NAXD: variants seen among roughly 807,000 people sequenced by gnomAD.
NAXD encodes ATP-dependent (S)-NAD(P)H-hydrate dehydratase.
Under a neutral mutation model 35.8 loss-of-function variants are expected in NAXD, and 22 were observed. The observed-to-expected ratio is 0.62, with a 90% CI of 0.44 to 0.88. NAXD has a LOEUF of 0.88. Among genes scored for constraint, NAXD ranks in the 40% least tolerant of loss-of-function variants. The probability of loss-of-function intolerance (pLI) is 0.00; values close to 1 mark genes in which losing one functional copy is unlikely to be tolerated. For synonymous variants in NAXD, 189 were observed against 177.6 expected (o/e 1.06, Z -0.51); for missense variants, 428 against 437.7 (o/e 0.98, Z 0.20).
chr13:110,617,130 G>T (rs1042738226), intron 1 of NAXD, among the ~76,000 whole-genome samples: 1 of 152,194 alleles, frequency 6.6e-6, no homozygotes, highest in African/African-American at 2.4e-5. Flanking sequence ...AGGTAGAGTT[G>T]TATATTACTG....
chr13:110,617,700 C>T (rs1399173104), intron 1 of NAXD, among the ~76,000 whole-genome samples: 2 of 152,138 alleles, frequency 1.3e-5, no homozygotes, highest in Non-Finnish European at 2.9e-5. Flanking sequence ...CTACTGTGTG[C>T]CCACAAAAAT....
intron 4 of NAXD, 82 bp from the exon 5 acceptor site, chr13:110,627,357 A>G: frequency 1.2e-6 from 1 of 866,186 alleles, no homozygotes; most frequent in Non-Finnish European, 1.8e-6. Context: ...TTATTTTTTC[A>G]AAATAAAATG....
chr13:110,636,934 T>C (rs1026029368), intron 8 of NAXD, among the ~76,000 whole-genome samples, 195 bp from the exon 9 acceptor site: 1 of 152,252 alleles, frequency 6.6e-6, no homozygotes, highest in South Asian at 2.1e-4. Flanking sequence ...TGGTTTCCTC[T>C]TCTGTAAAAC....
At chr13:110,637,043 G>A in intron 8 of NAXD, 86 bp from the exon 9 acceptor site, 3 of 1,461,882 alleles carry the variant, frequency 2.1e-6, no homozygotes, top group Non-Finnish European at 2.7e-6. Context: ...GGCTCTGCCT[G>A]CCGTGCGGCC....
chr13:110,631,475 C>T (rs1254762908), intron 5 of NAXD, among the ~76,000 whole-genome samples: 1 of 152,166 alleles, frequency 6.6e-6, no homozygotes, highest in African/African-American at 2.4e-5. Context: ...TTTGCTTTCC[C>T]ATGGGTGGGG....
chr13:110,636,094 A>T (rs1011539216), intron 8 of NAXD, among the ~76,000 whole-genome samples: 2 of 152,232 alleles, frequency 1.3e-5, no homozygotes, highest in Non-Finnish European at 2.9e-5. Flanking sequence ...ACTCCCACGG[A>T]GCCTGGGGAG....
rs115809789 is a variant in NAXD at position 110,631,575 on chromosome 13, T to C, written c.442-2970T>C. On this transcript the variant is annotated intron_variant, in intron 5 of 9. Coordinates refer to ENST00000680254, the MANE Select transcript of NAXD (RefSeq NM_001242882.2). ...TTTTCCAGGGTTTGAATATTCACTT[T>C]TGAGTACTATTTGCAAATACATTAA... Among the ~76,000 whole-genome samples the C allele has an allele frequency of 2.2e-3, 330 of 152,348 alleles. 1 individual carries two copies. The highest frequency in any genetic ancestry group is 7.5e-3 in the African/African-American group (310 of 41,580).
chr13:110,615,683 A>T, intron 1 of NAXD, 36 bp downstream of exon 1: 8 of 1,524,492 alleles, frequency 5.2e-6, no homozygotes, highest in Non-Finnish European at 7.0e-6. Context: ...GGATGGTCAC[A>T]CGCGCGGGGG....
At chr13:110,622,418 C>G (rs1594170136) in intron 2 of NAXD, 52 bp downstream of exon 2, 1 of 1,580,842 alleles carries the variant, frequency 6.3e-7, no homozygotes, top group South Asian at 1.1e-5. Flanking sequence ...TGCTGGCTGG[C>G]TGCTTACCTG....
At chr13:110,625,898 T>G (rs1177187288) in intron 4 of NAXD, among the ~76,000 whole-genome samples, 1 of 152,104 alleles carries the variant, frequency 6.6e-6, no homozygotes, top group Non-Finnish European at 1.5e-5. Flanking sequence ...GAGGAGGATG[T>G]CAGGTGGTGA....
Position 110,637,202 on chromosome 13 carries a change from C to T in NAXD, c.792C>T (p.Gly264=), listed in dbSNP as rs147252532. 7.3e-5 allele frequency: 118 copies of T among 1,614,018 alleles called. No individual in the cohort carries two copies. In the African/African-American group the frequency reaches 8.1e-4, roughly 11 times the overall value. Residue 264 remains glycine, a synonymous_variant, in exon 9 of 10, where the codon GGC becomes GGT. Coordinates refer to ENST00000680254, the MANE Select transcript of NAXD (RefSeq NM_001242882.2). ...GQGDLLSGSL[G]VLVHWALLAG... ...GGGACCTCCTGTCGGGCTCCCTGGG[C>T]GTCCTGGTACACTGGGCGCTCCTTG...
In NAXD at chr13:110,639,326, C is replaced by G. The variant is rs1036741785; in HGVS notation, c.*798C>G. On this transcript the variant is annotated 3_prime_UTR_variant, in exon 10 of 10. Transcript: ENST00000680254. The stretch of plus-strand genomic sequence containing the variant: ...GGACGGGCACGGTGAAGGGCTGCAG[C>G]CTGGGGTCTGACGTGGCCCCTAGTG... 1 of 154,212 alleles carries G rather than the reference C, an allele frequency of 6.5e-6. No homozygotes were observed. The highest frequency in any genetic ancestry group is 2.4e-5 in the African/African-American group (1 of 41,454). The allele number at this position is 154,212 out of a possible 1,614,324, so 9.6% of individuals were successfully genotyped here.
At position 110,638,586 on chromosome 13, in the gene NAXD, G is replaced by T; in HGVS notation, c.*58G>T. The T allele has an allele frequency of 6.3e-7, 1 of 1,592,582 alleles. No individual in the cohort carries two copies. The highest frequency in any genetic ancestry group is 1.1e-5 in the South Asian group (1 of 90,630). On this transcript the variant is annotated 3_prime_UTR_variant, in exon 10 of 10. Transcript: ENST00000680254. The surrounding 1 kb of genome is among the most constrained non-coding windows in gnomAD (Gnocchi z 5.4). ...GGACGGGGGAGAGCGTGTGTGTGATGGGAAAATCCGGACCCACGCGTGTGC... is the reference window on the plus strand; with the variant it reads ...GGACGGGGGAGAGCGTGTGTGTGATTGGAAAATCCGGACCCACGCGTGTGC...
At chr13:110,616,896 C>T (rs1390276321) in intron 1 of NAXD, among the ~76,000 whole-genome samples, 1 of 152,182 alleles carries the variant, frequency 6.6e-6, no homozygotes, top group Non-Finnish European at 1.5e-5. Flanking sequence ...GAGAGTTTGG[C>T]TTTTTGTTTT....
intron 5 of NAXD, among the ~76,000 whole-genome samples, chr13:110,633,993 A>G (rs1886821969): frequency 2.0e-5 from 3 of 152,182 alleles, no homozygotes; most frequent in African/African-American, 7.2e-5. Context: ...GGCTGTCTTC[A>G]TGGGTTAGCC....
intron 4 of NAXD, among the ~76,000 whole-genome samples, chr13:110,625,852 G>A (rs1376262250): frequency 3.3e-5 from 5 of 152,204 alleles, no homozygotes; most frequent in South Asian, 2.1e-4. Flanking sequence ...TGTTTGCACC[G>A]ACTGGATTGG....
At chr13:110,629,372 G>A (rs1004343780) in intron 5 of NAXD, among the ~76,000 whole-genome samples, 1 of 152,166 alleles carries the variant, frequency 6.6e-6, no homozygotes, top group African/African-American at 2.4e-5. Context: ...GTGGCTTCAA[G>A]TATATTCATA....
At chr13:110,615,843 G>C in intron 1 of NAXD, 196 bp downstream of exon 1, 2 of 1,243,008 alleles carry the variant, frequency 1.6e-6, no homozygotes, top group Middle Eastern at 3.0e-4. Flanking sequence ...GCCCGCGCGC[G>C]GGGCCGGGGC....
At chr13:110,615,491 G>GA (rs1266957783), upstream of NAXD, 1 of 1,026,826 alleles carries the variant, frequency 9.7e-7, no homozygotes, top group Non-Finnish European at 1.3e-6. Context: ...AGCGAGTTGG[G>GA]ATCCCACTGC....
Sources: gnomAD v4.1 joint callset for allele counts (sites outside exome capture counted in the v4.1 genomes callset) on GRCh38, gnomAD v4.1.1 for gene constraint, Gnocchi (gnomAD v3.1) non-coding constraint, MANE v1.5 for transcripts, NCBI Gene and HGNC (gene_info 2026-07-23, HGNC 2026-07-21) for gene names.